The following PTPRS variants were observed in gnomAD, a reference collection of about 807,000 sequenced individuals.
PTPRS encodes the protein receptor-type tyrosine-protein phosphatase S.
PTPRS carries 63 observed loss-of-function variants against 215.3 expected under a neutral mutation model. That is an observed-to-expected ratio of 0.29 (90% CI 0.24 to 0.36). The LOEUF (loss-of-function observed/expected upper bound fraction) is 0.36, where lower values mean the gene tolerates loss of function less well. Among genes scored for constraint, PTPRS ranks in the 10% least tolerant of loss-of-function variants. PTPRS has a pLI of 1.00. For missense variants in PTPRS, 2,258 were observed against 2,825.8 expected (o/e 0.80, Z 4.56); for synonymous variants, 1,404 against 1,191.4 (o/e 1.18, Z -3.68).
rs768171230 is a variant in PTPRS at position 5,295,524 on chromosome 19, CG to C, written c.-94-9291del. 6.6e-6 allele frequency among the ~76,000 whole-genome samples: 1 copy of C among 152,142 alleles called. No homozygotes were observed. Among genetic ancestry groups the C allele is most frequent in the African/African-American group, 2.4e-5 (1 of 41,434 alleles). On this transcript the variant is annotated intron_variant, in intron 1 of 37. Coordinates refer to ENST00000262963, the MANE Select transcript of PTPRS (RefSeq NM_002850.4). This position sits in a 1 kb window ranked among gnomAD's most constrained non-coding sequence, Gnocchi z 4.6. The stretch of plus-strand genomic sequence containing the variant: ...CAGAGCCCTACATGCGCCTAGTCCC[CG>C]GGTCTGCCTCTCCCACCAGACTGTG...
intron 7 of PTPRS, among the ~76,000 whole-genome samples, chr19:5,258,695 G>A (rs960294763): frequency 6.6e-6 from 1 of 152,158 alleles, no homozygotes; most frequent in Non-Finnish European, 1.5e-5. Flanking sequence ...ATGGAGACGG[G>A]GTTGTACTTC....
rs74173042 is a variant in PTPRS, at chr19:5,245,146, AT to A, written c.988+629del. On this transcript the variant is annotated intron_variant, in intron 10 of 37. Transcript: ENST00000262963. ...AGATGTGCGCCACCACGCCCAGCTAATTTTTTTTTTTTTTTGTATTTTCAGT... is the reference window on the plus strand; with the variant it reads ...AGATGTGCGCCACCACGCCCAGCTAATTTTTTTTTTTTTTGTATTTTCAGT... Among the ~76,000 whole-genome samples, 378 of 136,030 alleles carry A rather than the reference AT, an allele frequency of 2.8e-3. 3 individuals carry two copies. Among genetic ancestry groups the A allele is most frequent in the Middle Eastern group, 4.1e-3 (1 of 246 alleles). The allele number at this position is 136,030 out of a possible 152,430, so 89.2% of individuals were successfully genotyped here.
chr19:5,253,438 A>T (rs2045308759), intron 9 of PTPRS, among the ~76,000 whole-genome samples: 1 of 152,214 alleles, frequency 6.6e-6, no homozygotes, highest in Admixed American at 6.5e-5. Flanking sequence ...TAGCTTTCAG[A>T]ACATGCCAGG....
intron 9 of PTPRS, among the ~76,000 whole-genome samples, chr19:5,255,512 T>G (rs1599727644): frequency 2.2e-5 from 3 of 137,204 alleles, no homozygotes; most frequent in South Asian, 2.3e-4. Flanking sequence ...GAGGACCAGG[T>G]GAAGGGAATG....
At chr19:5,334,569 A>G (rs1459437474) in intron 1 of PTPRS, among the ~76,000 whole-genome samples, 2 of 152,230 alleles carry the variant, frequency 1.3e-5, no homozygotes, top group Non-Finnish European at 2.9e-5. Context: ...GCCTCAGTCC[A>G]GCATCCTTGC....
chr19:5,219,893 A>C (rs778201732), intron 22 of PTPRS, 46 bp downstream of exon 22: 17 of 1,592,390 alleles, frequency 1.1e-5, no homozygotes, highest in African/African-American at 4.0e-5. Context: ...GGTCTGCCTC[A>C]TTCAGAGGTG....
At chr19:5,267,138 A>C (rs1410505389) in intron 4 of PTPRS, among the ~76,000 whole-genome samples, 1 of 150,526 alleles carries the variant, frequency 6.6e-6, no homozygotes, top group Admixed American at 6.6e-5. Context: ...CCAGGTCTCC[A>C]GCGCTCGGTA....
At chr19:5,208,114 C>T (rs2040535850) in intron 36 of PTPRS, 57 bp from the exon 37 acceptor site, 3 of 1,589,072 alleles carry the variant, frequency 1.9e-6, no homozygotes, top group Non-Finnish European at 2.6e-6. Context: ...GAGCCCTGAT[C>T]TGACCACCCG....
In PTPRS at chr19:5,265,100, C is replaced by T. The variant is rs2046306532; in HGVS notation, c.476G>A (p.Ser159Asn). The T allele has an allele frequency of 1.2e-6, 2 of 1,614,076 alleles. No homozygotes were observed. The highest frequency in any genetic ancestry group is 1.7e-6 in the Non-Finnish European group (2 of 1,180,048). ...GGTGATCTCAGGGTCAGGGTTGCCG[C>T]TGGCTGCACAGAGCATGGTGGCTGT... ...TRTATMLCAA[S>N]GNPDPEITWF... Residue 159 changes from serine (S) to asparagine (N), a missense_variant, in exon 5 of 38, where the codon AGC becomes AAC. By Grantham distance (46) the Ser-to-Asn change is conservative. This residue lies in a region of PTPRS where 508 missense variants were observed against 799.4 expected (regional missense o/e 0.64). Coordinates refer to ENST00000262963, the MANE Select transcript of PTPRS (RefSeq NM_002850.4).
At chr19:5,212,804 C>G (rs189059516) in intron 30 of PTPRS, among the ~76,000 whole-genome samples, 100 of 151,508 alleles carry the variant, frequency 6.6e-4, no homozygotes, top group African/African-American at 2.4e-3. Context: ...GATGGCGCCA[C>G]TGTACTCCAG....
At chr19:5,250,463 G>A (rs982192041) in intron 9 of PTPRS, among the ~76,000 whole-genome samples, 4 of 152,158 alleles carry the variant, frequency 2.6e-5, no homozygotes, top group African/African-American at 7.2e-5. Flanking sequence ...CCCACGGGAC[G>A]GAGAGGCCCC....
At chr19:5,290,937 C>T (rs1204910736) in intron 1 of PTPRS, among the ~76,000 whole-genome samples, 1 of 151,946 alleles carries the variant, frequency 6.6e-6, no homozygotes, top group African/African-American at 2.4e-5. Context: ...AGCGAGGGCC[C>T]CCCTGGGCAG....
chr19:5,259,884 C>T (rs1308777249), intron 7 of PTPRS, among the ~76,000 whole-genome samples: 2 of 152,182 alleles, frequency 1.3e-5, no homozygotes, highest in Non-Finnish European at 2.9e-5. Context: ...TCTCCCTGGA[C>T]CTCGAGGTTC....
At chr19:5,225,306 C>T (rs540646054) in intron 17 of PTPRS, among the ~76,000 whole-genome samples, 1 of 152,144 alleles carries the variant, frequency 6.6e-6, no homozygotes, top group South Asian at 2.1e-4. Context: ...CTAGGGGGCC[C>T]AGAAGGATCA....
Position 5,260,804 on chromosome 19 carries a change from C to G in PTPRS, c.595+1G>C. The G allele has an allele frequency of 6.2e-7, 1 of 1,613,776 alleles. No homozygotes were observed. Among genetic ancestry groups the G allele is most frequent in the Non-Finnish European group, 8.5e-7 (1 of 1,179,804 alleles). On this transcript the variant is annotated splice_donor_variant, in intron 7 of 37. Coordinates refer to ENST00000262963, the MANE Select transcript of PTPRS (RefSeq NM_002850.4). LOFTEE classifies it high-confidence loss of function. Reference sequence around the variant, plus strand: ...GGGTGGGTGAGTGAGGAGCCTCTTACCTCGAATCGGAGTGCTTTCTGTAAG... The same window carrying G: ...GGGTGGGTGAGTGAGGAGCCTCTTAGCTCGAATCGGAGTGCTTTCTGTAAG...
rs1011467727 is a variant in PTPRS, at chr19:5,308,952, G to A, written c.-94-22718C>T. Among the ~76,000 whole-genome samples the A allele has an allele frequency of 5.9e-5, 9 of 152,180 alleles. No individual in the cohort carries two copies. The East Asian group carries it at 1.3e-3, about 23-fold the overall frequency. ...ATTACCAGGAGCACGGGTGGGGTAC[G>A]GGGCAGGGAGGCAAAAGGAACCCTG... is the stretch of plus-strand genomic sequence containing the variant. On this transcript the variant is annotated intron_variant, in intron 1 of 37. Transcript: ENST00000262963.
At chr19:5,288,232 C>T (rs994918632) in intron 1 of PTPRS, among the ~76,000 whole-genome samples, 7 of 152,230 alleles carry the variant, frequency 4.6e-5, no homozygotes, top group East Asian at 1.9e-4. Flanking sequence ...ACACAGGTGC[C>T]GGCACACTGT....
chr19:5,254,254 C>T (rs1408255345), intron 9 of PTPRS, among the ~76,000 whole-genome samples: 1 of 152,206 alleles, frequency 6.6e-6, no homozygotes. Flanking sequence ...CTAAAGTCCT[C>T]TTGCCAACTT....
intron 1 of PTPRS, among the ~76,000 whole-genome samples, chr19:5,333,262 G>A (rs2050384637): frequency 6.6e-6 from 1 of 151,654 alleles, no homozygotes; most frequent in Admixed American, 6.6e-5. Flanking sequence ...CTTGAACCCA[G>A]GAGTTTGAGA....
Sources: gnomAD v4.1 joint callset for allele counts (sites outside exome capture counted in the v4.1 genomes callset) on GRCh38, gnomAD v4.1.1 for gene constraint, gnomAD v4.1.1 regional missense constraint, Gnocchi (gnomAD v3.1) non-coding constraint, MANE v1.5 for transcripts, NCBI Gene and HGNC (gene_info 2026-07-23, HGNC 2026-07-21) for gene names.